NRXN3: variants seen among roughly 807,000 people sequenced by gnomAD.
NRXN3 encodes neurexin III.
A neutral mutation model predicts 137.6 loss-of-function variants in NRXN3; 32 were observed. That is an observed-to-expected ratio of 0.23 (90% CI 0.18 to 0.31). NRXN3 has a LOEUF of 0.31. NRXN3 is among the 10% of genes least tolerant of loss of function. The probability of loss-of-function intolerance (pLI) is 1.00; values close to 1 mark genes in which losing one functional copy is unlikely to be tolerated. For missense variants in NRXN3, 1,574 were observed against 2,062.5 expected (o/e 0.76, Z 4.59); for synonymous variants, 798 against 784.5 (o/e 1.02, Z -0.29).
At chr14:79,047,133 G>T (rs1354701930) in intron 15 of NRXN3, among the ~76,000 whole-genome samples, 5 of 137,288 alleles carry the variant, frequency 3.6e-5, no homozygotes, top group African/African-American at 1.4e-4. Context: ...CTCCCTTCCC[G>T]CCCCACCCCC....
At chr14:79,270,096 G>A (rs896964933) in intron 15 of NRXN3, among the ~76,000 whole-genome samples, 5 of 152,290 alleles carry the variant, frequency 3.3e-5, no homozygotes, top group Admixed American at 6.5e-5. Flanking sequence ...TTTTAATGAT[G>A]TGTCACATAA....
chr14:79,439,163 T>C (rs2095891074), intron 15 of NRXN3, among the ~76,000 whole-genome samples: 1 of 152,222 alleles, frequency 6.6e-6, no homozygotes, highest in South Asian at 2.1e-4. Flanking sequence ...TTACATAGTC[T>C]GTTGTACATA....
chr14:79,283,928 T>C (rs1262827868), intron 15 of NRXN3, among the ~76,000 whole-genome samples: 1 of 151,990 alleles, frequency 6.6e-6, no homozygotes, highest in Non-Finnish European at 1.5e-5. Flanking sequence ...GAGATCCAAA[T>C]ACCAAGCGAA....
intron 4 of NRXN3, among the ~76,000 whole-genome samples, chr14:78,519,189 A>G (rs564882829): frequency 6.6e-6 from 1 of 152,274 alleles, no homozygotes; most frequent in Non-Finnish European, 1.5e-5. Flanking sequence ...CAAAGGATCC[A>G]GAAGGATTGG....
rs564964171 is a variant in NRXN3 at position 78,968,228 on chromosome 14, C to T, written c.3024C>T (p.Leu1008=). ...GCATGTACAGCAACCTCCCAAAGCT[C>T]GTGGCCTCTCGAGATGGCTTTCAGG... is the stretch of plus-strand genomic sequence containing the variant. The part of the protein sequence containing the change: ...AQGMYSNLPK[L]VASRDGFQGC... The change falls in exon 14 of 21, where the codon CTC becomes CTT. Residue 1008 remains leucine (L), a synonymous_variant. Coordinates refer to ENST00000335750, the MANE Select transcript of NRXN3 (RefSeq NM_001330195.2). The T allele has an allele frequency of 9.3e-6, 15 of 1,614,012 alleles. No individual in the cohort carries two copies. Among genetic ancestry groups the T allele is most frequent in the South Asian group, 2.2e-5 (2 of 91,064 alleles).
chr14:78,543,210 C>G (rs1276272539), intron 4 of NRXN3, among the ~76,000 whole-genome samples: 1 of 152,092 alleles, frequency 6.6e-6, no homozygotes, highest in Non-Finnish European at 1.5e-5. Flanking sequence ...TGTCCATTTC[C>G]TATAATCTCT....
intron 8 of NRXN3, among the ~76,000 whole-genome samples, chr14:78,755,089 C>T (rs1329664148): frequency 1.3e-5 from 2 of 151,998 alleles, no homozygotes; most frequent in Admixed American, 6.6e-5. Flanking sequence ...TGAAGTGGCA[C>T]GATCATAGCT....
In NRXN3 at chr14:79,090,616, C is replaced by T. The variant is rs376059937; in HGVS notation, c.3262+102475C>T. Among the ~76,000 whole-genome samples the T allele has an allele frequency of 3.3e-5, 5 of 152,156 alleles. No individual in the cohort carries two copies. In the South Asian group the frequency reaches 8.3e-4, roughly 25 times the overall value. ...CTGTCACCATGGCTTCATATCTGGCCCCACCCCTACCCCATCCTATGCACT... is the reference window on the plus strand; with the variant it reads ...CTGTCACCATGGCTTCATATCTGGCTCCACCCCTACCCCATCCTATGCACT... On this transcript the variant is annotated intron_variant, in intron 15 of 20. Coordinates refer to ENST00000335750, the MANE Select transcript of NRXN3 (RefSeq NM_001330195.2).
chr14:79,775,774 G>A lies in NRXN3; in HGVS notation c.4015-29338G>A, dbSNP rs531131046. Among the ~76,000 whole-genome samples the A allele has an allele frequency of 6.6e-5, 10 of 152,238 alleles. No individual in the cohort carries two copies. The South Asian group carries it at 2.1e-3, about 32-fold the overall frequency. On this transcript the variant is annotated intron_variant, in intron 19 of 20. Transcript: ENST00000335750. ...GTAGAGGATTCTCATGTTATGAGCTGAAGTAGAAAGGCTATGTTTGAAGAT... is the reference window on the plus strand; with the variant it reads ...GTAGAGGATTCTCATGTTATGAGCTAAAGTAGAAAGGCTATGTTTGAAGAT...
intron 4 of NRXN3, among the ~76,000 whole-genome samples, chr14:78,533,623 T>G (rs1351791343): frequency 1.3e-5 from 2 of 152,226 alleles, no homozygotes; most frequent in Non-Finnish European, 2.9e-5. Context: ...CTGTTTCTCA[T>G]GTTTGCGGTT....
intron 15 of NRXN3, among the ~76,000 whole-genome samples, chr14:79,162,388 C>T (rs147543814): frequency 0.028 from 4,232 of 149,208 alleles, 194 homozygotes; most frequent in African/African-American, 0.098. Flanking sequence ...TGAGAATATG[C>T]GGTGTTTGGT....
At chr14:79,831,704 T>G (rs1388004879) in intron 20 of NRXN3, among the ~76,000 whole-genome samples, 1 of 152,136 alleles carries the variant, frequency 6.6e-6, no homozygotes, top group Non-Finnish European at 1.5e-5. Context: ...ACTGATCATC[T>G]GGCTGCTGGC....
intron 15 of NRXN3, among the ~76,000 whole-genome samples, chr14:79,354,006 G>C (rs1208333854): frequency 3.3e-5 from 5 of 152,112 alleles, no homozygotes; most frequent in Non-Finnish European, 7.4e-5. Context: ...TTCTATAACA[G>C]CTACGACATC....
chr14:79,628,227 C>T (rs2098303295), intron 16 of NRXN3, among the ~76,000 whole-genome samples: 1 of 152,152 alleles, frequency 6.6e-6, no homozygotes, highest in African/African-American at 2.4e-5. Flanking sequence ...TTTTCATCAT[C>T]ATCCTCCTCC....
intron 19 of NRXN3, among the ~76,000 whole-genome samples, chr14:79,769,646 C>G (rs1001264632): frequency 2.6e-5 from 4 of 152,048 alleles, no homozygotes; most frequent in East Asian, 1.9e-4. Context: ...AAAGGAACAA[C>G]CGATACCAGC....
At chr14:78,972,053 G>A (rs2153015544) in intron 14 of NRXN3, among the ~76,000 whole-genome samples, 1 of 152,252 alleles carries the variant, frequency 6.6e-6, no homozygotes, top group Middle Eastern at 3.4e-3. Flanking sequence ...CAATTTCTGG[G>A]CAACTCCTAG....
At chr14:78,582,677 A>G (rs897356257) in intron 4 of NRXN3, among the ~76,000 whole-genome samples, 4 of 152,182 alleles carry the variant, frequency 2.6e-5, no homozygotes, top group Admixed American at 1.3e-4. Flanking sequence ...CAGCACCTTG[A>G]TATTGAACTT....
chr14:78,277,197 A>C (rs1194309160), intron 2 of NRXN3, among the ~76,000 whole-genome samples: 1 of 152,218 alleles, frequency 6.6e-6, no homozygotes, highest in Admixed American at 6.5e-5. Context: ...CCCTAAGGAC[A>C]CACTGGAGCT....
chr14:78,462,902 G>T (rs1475504244), intron 4 of NRXN3, among the ~76,000 whole-genome samples: 1 of 152,170 alleles, frequency 6.6e-6, no homozygotes, highest in African/African-American at 2.4e-5. Flanking sequence ...TGTTACATGT[G>T]TATATTACAT....
Sources: allele counts gnomAD v4.1 joint callset (sites outside exome capture counted in the v4.1 genomes callset), GRCh38; gene constraint gnomAD v4.1.1; transcripts MANE v1.5; gene names NCBI Gene and HGNC (gene_info 2026-07-23, HGNC 2026-07-21).